Variants in ANXA9 observed in about 807,000 individuals in gnomAD.
ANXA9 encodes the protein annexin 31.
ANXA9 carries 47 observed loss-of-function variants against 51.8 expected under a neutral mutation model. The ratio of observed to expected loss-of-function variants is 0.91; its 90% CI spans 0.72 to 1.16. The LOEUF is 1.16. Ranked by LOEUF, ANXA9 falls within the 50% of genes most tolerant of loss-of-function variation. ANXA9 has a pLI of 0.00. For synonymous variants in ANXA9, 154 were observed against 168.7 expected, an observed-to-expected ratio of 0.91 and a Z score of 0.68; for missense variants, 361 against 424.7, an observed-to-expected ratio of 0.85 and a Z score of 1.32.
chr1:150,993,511 T>C lies in ANXA9; in HGVS notation c.853-1066T>C, dbSNP rs181383635. Among the ~76,000 whole-genome samples, 356 of 152,084 alleles carry C rather than the reference T, an allele frequency of 2.3e-3. 3 individuals are homozygous for C. The highest frequency in any genetic ancestry group is 8.2e-3 in the African/African-American group (341 of 41,480). ...TTTAATAGAGACGGGGGTTTCACCA[T>C]GTTGGCCAGGCTGGTCTCGAACTCC... On this transcript the variant is annotated intron_variant, in intron 12 of 13. Coordinates refer to ENST00000368947, the MANE Select transcript of ANXA9 (RefSeq NM_003568.3).
upstream of ANXA9, among the ~76,000 whole-genome samples, chr1:150,977,814 A>G (rs1443448870): frequency 6.6e-6 from 1 of 152,228 alleles, no homozygotes; most frequent in African/African-American, 2.4e-5. Context: ...TGTATTCTGA[A>G]ATCAGGCAAT....
chr1:150,983,473 G>A (rs917781649), intron 4 of ANXA9, 39 bp downstream of exon 4: 13 of 1,553,498 alleles, frequency 8.4e-6, no homozygotes, highest in Non-Finnish European at 1.1e-5. Context: ...CTGCCTTTTA[G>A]AGCCAATCTG....
intron 12 of ANXA9, among the ~76,000 whole-genome samples, chr1:150,990,761 T>A (rs1214918950): frequency 6.6e-6 from 1 of 152,018 alleles, no homozygotes; most frequent in Non-Finnish European, 1.5e-5. Context: ...AGCAGGAGAA[T>A]CTCGAGCCTG....
rs1444262635 is a variant in ANXA9, at chr1:150,983,144, C to G, written c.39C>G (p.Thr13=). The change falls in exon 3 of 14, where the codon ACC becomes ACG. Residue 13 remains threonine, a synonymous_variant. Coordinates refer to ENST00000368947, the MANE Select transcript of ANXA9 (RefSeq NM_003568.3). ...GCGGGAAGATGGCACCGTCCCTCAC[C>G]CAGGAGATCCTCAGCCACCTGGGCC... is the stretch of plus-strand genomic sequence containing the variant. The part of the protein sequence containing the change: ...VTGGKMAPSL[T]QEILSHLGLA... 1.2e-6 allele frequency: 2 copies of G among 1,613,986 alleles called. No homozygotes were observed. Among genetic ancestry groups the G allele is most frequent in the African/African-American group, 2.7e-5 (2 of 74,920 alleles).
Position 150,983,965 on chromosome 1 carries a change from C to T in ANXA9, c.173-10C>T, listed in dbSNP as rs1259184416. 11 of 1,610,608 alleles carry T rather than the reference C, an allele frequency of 6.8e-6. No homozygotes were observed. The highest frequency in any genetic ancestry group is 1.6e-4 in the Middle Eastern group (1 of 6,068). On this transcript the variant is annotated splice_polypyrimidine_tract_variant and intron_variant, in intron 4 of 13. Transcript: ENST00000368947. Reference sequence around the variant, plus strand: ...ACCCTGCTCACAGCACAGCCCTCATCTCGGTTCAGGCGTGGACCGCAGTGC... The same window carrying T: ...ACCCTGCTCACAGCACAGCCCTCATTTCGGTTCAGGCGTGGACCGCAGTGC...
At chr1:150,989,950 T>C (rs1304429661) in intron 12 of ANXA9, among the ~76,000 whole-genome samples, 1 of 152,130 alleles carries the variant, frequency 6.6e-6, no homozygotes, top group Non-Finnish European at 1.5e-5. Context: ...CAGTAGATGA[T>C]TTTGTAGTGT....
At chr1:150,993,305 ATTTCT>A (rs1183608550) in intron 12 of ANXA9, among the ~76,000 whole-genome samples, 1 of 151,788 alleles carries the variant, frequency 6.6e-6, no homozygotes, top group African/African-American at 2.4e-5. Context: ...TACCTGTGTT[ATTTCT>A]TTTCTTTTCT....
intron 7 of ANXA9, 142 bp downstream of exon 7, chr1:150,984,818 C>G: frequency 4.8e-6 from 3 of 631,288 alleles, no homozygotes; most frequent in Admixed American, 3.0e-5. Context: ...CCTCTTGCCC[C>G]CACCAGTGCC....
upstream of ANXA9, among the ~76,000 whole-genome samples, chr1:150,977,354 G>A (rs1197560073): frequency 3.9e-5 from 6 of 152,208 alleles, no homozygotes; most frequent in Non-Finnish European, 7.3e-5. Flanking sequence ...AGCCAGCACC[G>A]GGATGATGCG....
rs1183027314 is a variant in ANXA9 at position 150,983,364 on chromosome 1, C to T, written c.102C>T (p.Thr34=). 7 of 1,613,972 alleles carry T rather than the reference C, an allele frequency of 4.3e-6. No homozygotes were observed. The highest frequency in any genetic ancestry group is 5.9e-6 in the Non-Finnish European group (7 of 1,179,984). Residue 34 remains threonine, a synonymous_variant, in exon 4 of 14, where the codon ACC becomes ACT. Coordinates refer to ENST00000368947, the MANE Select transcript of ANXA9 (RefSeq NM_003568.3). ...CTGCAGCGTGGGGGACCCTGGGCAC[C>T]CTCAGGACCTTCTTGAACTTCAGCG... ...SKTAAWGTLG[T]LRTFLNFSVD... is the part of the protein sequence containing the mutation.
Position 150,983,099 on chromosome 1 carries a change from T to G in ANXA9, c.-7T>G. Reference sequence around the variant, plus strand: ...CTGTTTCCTTCCCCAGGGCAACCAGTAGCACCATGTCTGTGACTGGCGGGA... The same window carrying G: ...CTGTTTCCTTCCCCAGGGCAACCAGGAGCACCATGTCTGTGACTGGCGGGA... On this transcript the variant is annotated 5_prime_UTR_variant, in exon 3 of 14. Transcript: ENST00000368947. 1 of 1,613,668 alleles carries G rather than the reference T, an allele frequency of 6.2e-7. No individual in the cohort carries two copies. The highest frequency in any genetic ancestry group is 8.5e-7 in the Non-Finnish European group (1 of 1,179,744).
upstream of ANXA9, among the ~76,000 whole-genome samples, chr1:150,981,772 T>A (rs943399989): frequency 6.6e-6 from 1 of 152,238 alleles, no homozygotes; most frequent in African/African-American, 2.4e-5. Context: ...CTGGGCACTC[T>A]CCACCTAGGT....
intron 7 of ANXA9, among the ~76,000 whole-genome samples, chr1:150,985,223 T>C (rs889984799): frequency 2.3e-4 from 33 of 146,248 alleles, no homozygotes; most frequent in Non-Finnish European, 4.1e-4. Context: ...CACACACAAA[T>C]AAAGAGAGAG....
upstream of ANXA9, among the ~76,000 whole-genome samples, chr1:150,980,119 A>G (rs1162768741): frequency 6.6e-6 from 1 of 152,184 alleles, no homozygotes; most frequent in Non-Finnish European, 1.5e-5. Context: ...AATAATAATT[A>G]CAGGCGGTGG....
intron 9 of ANXA9, 110 bp downstream of exon 9, chr1:150,986,771 C>T (rs1671570690): frequency 8.9e-7 from 1 of 1,120,170 alleles, no homozygotes; most frequent in Non-Finnish European, 1.3e-6. Context: ...CAAACCCATC[C>T]CTGCCTTGGA....
intron 12 of ANXA9, 141 bp from the exon 13 acceptor site, chr1:150,994,436 C>T: frequency 7.5e-7 from 1 of 1,326,802 alleles, no homozygotes; most frequent in Non-Finnish European, 1.0e-6. Flanking sequence ...AACTTTTGTC[C>T]CGAGATAATG....
chr1:150,977,947 C>A (rs1671363765), upstream of ANXA9, among the ~76,000 whole-genome samples: 1 of 151,850 alleles, frequency 6.6e-6, no homozygotes, highest in Non-Finnish European at 1.5e-5. Flanking sequence ...ACCAGCCTGC[C>A]CAACATGGTG....
At chr1:150,981,840 G>C (rs1671420546), upstream of ANXA9, among the ~76,000 whole-genome samples, 1 of 152,226 alleles carries the variant, frequency 6.6e-6, no homozygotes, top group Non-Finnish European at 1.5e-5. Context: ...CCCCCTCTGG[G>C]GTGCAGGCTG....
In ANXA9 at chr1:150,995,335, C is replaced by G; in HGVS notation, c.*13C>G. On this transcript the variant is annotated 3_prime_UTR_variant, in exon 14 of 14. Transcript: ENST00000368947. ...TGAAGACATGTGAGACTTCCCTGCC[C>G]CACCCCACATGACATCCGAGGATCT... is the stretch of plus-strand genomic sequence containing the variant. 1 of 1,596,954 alleles carries G rather than the reference C, an allele frequency of 6.3e-7. No individual in the cohort carries two copies. The highest frequency in any genetic ancestry group is 8.5e-7 in the Non-Finnish European group (1 of 1,171,726).
Sources: allele counts gnomAD v4.1 joint callset (sites outside exome capture counted in the v4.1 genomes callset), GRCh38; gene constraint gnomAD v4.1.1; transcripts MANE v1.5; gene names NCBI Gene and HGNC (gene_info 2026-07-23, HGNC 2026-07-21).